The following AMPH variants were observed in gnomAD, a reference collection of about 807,000 sequenced individuals.
AMPH encodes amphiphysin (Stiff-Mann syndrome with breast cancer 128kD autoantigen).
AMPH carries 49 observed loss-of-function variants against 99.1 expected under a neutral mutation model. That is an observed-to-expected ratio of 0.49 (90% confidence interval 0.39 to 0.63). The LOEUF (loss-of-function observed/expected upper bound fraction) is 0.63, where lower values mean the gene tolerates loss of function less well. Among genes scored for constraint, AMPH ranks in the 20% least tolerant of loss-of-function variants. The probability of loss-of-function intolerance (pLI) is 0.00; values close to 1 mark genes in which losing one functional copy is unlikely to be tolerated. For synonymous variants in AMPH, 314 were observed against 317.3 expected, an observed-to-expected ratio of 0.99 and a Z score of 0.11; for missense variants, 759 against 863.4, an observed-to-expected ratio of 0.88 and a Z score of 1.52.
intron 1 of AMPH, among the ~76,000 whole-genome samples, chr7:38,599,141 A>G (rs992854848): frequency 1.3e-5 from 2 of 152,178 alleles, no homozygotes; most frequent in African/African-American, 4.8e-5. Flanking sequence ...ATTATTTTCT[A>G]ATTCTTTGAG....
intron 2 of AMPH, among the ~76,000 whole-genome samples, chr7:38,517,377 A>T (rs1789789188): frequency 2.6e-5 from 4 of 152,168 alleles, no homozygotes; most frequent in Admixed American, 2.6e-4. Context: ...CTGGCTGTTT[A>T]AAAGTATAAA....
intron 1 of AMPH, among the ~76,000 whole-genome samples, chr7:38,571,589 A>C (rs1000108462): frequency 2.1e-5 from 3 of 145,680 alleles, no homozygotes; most frequent in Non-Finnish European, 4.5e-5. Context: ...ACTAGAAAAA[A>C]GCTTATAGAA....
intron 1 of AMPH, among the ~76,000 whole-genome samples, chr7:38,537,903 G>C (rs772154339): frequency 8.5e-5 from 13 of 152,136 alleles, no homozygotes; most frequent in Non-Finnish European, 1.8e-4. Context: ...CACTTGATAT[G>C]ATTTGGTATA....
intron 2 of AMPH, among the ~76,000 whole-genome samples, chr7:38,525,982 G>A (rs1042229555): frequency 1.3e-5 from 2 of 152,030 alleles, no homozygotes; most frequent in Non-Finnish European, 2.9e-5. Context: ...GCAGTTTTTG[G>A]GTTGTATGGT....
chr7:38,483,108 G>T (rs114454086), intron 5 of AMPH, among the ~76,000 whole-genome samples: 2,001 of 152,200 alleles, frequency 0.013, 44 homozygotes, highest in African/African-American at 0.045. Context: ...TCTCAGTGAA[G>T]AGTGAAGAAA....
chr7:38,476,872 C>G lies in AMPH; in HGVS notation c.494G>C (p.Arg165Pro). 1 of 1,613,286 alleles carries G rather than the reference C, an allele frequency of 6.2e-7. No individual in the cohort carries two copies. Among genetic ancestry groups the G allele is most frequent in the Non-Finnish European group, 8.5e-7 (1 of 1,179,466 alleles). ...GGGCTCAATCCCTACCTTAGAGATT[C>G]GACTCTCATCCTTCCTCTTGGAGCT... ...LQSSKRKDES[R>P]ISKAEEEFQK... The change falls in exon 6 of 21, where the codon CGA (arginine) becomes CCA (proline). Residue 165 changes from arginine (R) to proline (P), a missense_variant. Physicochemically the swap from Arg to Pro is moderately radical, Grantham distance 103. Transcript: ENST00000356264.
intron 1 of AMPH, among the ~76,000 whole-genome samples, chr7:38,563,653 T>C (rs763305477): frequency 9.2e-5 from 14 of 152,166 alleles, no homozygotes; most frequent in Non-Finnish European, 1.0e-4. Flanking sequence ...AGAAGAGCAA[T>C]AATACACATT....
chr7:38,434,673 A>G (rs10244280), intron 12 of AMPH, among the ~76,000 whole-genome samples: 38,776 of 151,536 alleles, frequency 0.26, 5,186 homozygotes, highest in East Asian at 0.39. Context: ...AGGGAGGTGA[A>G]GCTTGCAGTG....
intron 1 of AMPH, among the ~76,000 whole-genome samples, chr7:38,587,914 CTGTGTGTGTGTG>C (rs200023803): frequency 4.0e-5 from 5 of 126,084 alleles, no homozygotes; most frequent in Admixed American, 8.1e-5. Context: ...TTATTAATTA[CTGTGTGTGTGTG>C]TGTGTGTGTG....
At chr7:38,616,060 C>A (rs1008427386) in intron 1 of AMPH, among the ~76,000 whole-genome samples, 1 of 152,134 alleles carries the variant, frequency 6.6e-6, no homozygotes, top group African/African-American at 2.4e-5. Flanking sequence ...ATATAGCACA[C>A]CAAAGAACCT....
chr7:38,521,911 A>G (rs1457070614), intron 2 of AMPH, among the ~76,000 whole-genome samples: 1 of 152,192 alleles, frequency 6.6e-6, no homozygotes, highest in Non-Finnish European at 1.5e-5. Context: ...ATGTCACCAG[A>G]CATTGAAAAT....
chr7:38,462,857 C>T, intron 10 of AMPH, 118 bp downstream of exon 10: 1 of 1,141,652 alleles, frequency 8.8e-7, no homozygotes, highest in Non-Finnish European at 1.2e-6. Context: ...AGCCTCACAT[C>T]TCAGTCTCCC....
At chr7:38,480,837 T>C (rs905403095) in intron 5 of AMPH, among the ~76,000 whole-genome samples, 6 of 152,172 alleles carry the variant, frequency 3.9e-5, no homozygotes, top group African/African-American at 7.2e-5. Context: ...CAAACTCTTA[T>C]AAAGCTCTTC....
At chr7:38,399,758 T>C (rs987475343) in intron 17 of AMPH, among the ~76,000 whole-genome samples, 4 of 152,220 alleles carry the variant, frequency 2.6e-5, no homozygotes, top group Admixed American at 2.0e-4. Context: ...AAGCCTTTCA[T>C]ACCCAGTGCT....
intron 15 of AMPH, among the ~76,000 whole-genome samples, chr7:38,425,528 T>C (rs968034455): frequency 6.6e-6 from 1 of 152,172 alleles, no homozygotes; most frequent in Admixed American, 6.5e-5. Context: ...AAACAAAATG[T>C]GAAATTCATG....
chr7:38,591,008 C>A (rs1792835810), intron 1 of AMPH, among the ~76,000 whole-genome samples: 1 of 152,140 alleles, frequency 6.6e-6, no homozygotes, highest in Non-Finnish European at 1.5e-5. Flanking sequence ...CACCTATTTG[C>A]AGTATAGCCT....
At chr7:38,601,921 T>A (rs1793259238) in intron 1 of AMPH, among the ~76,000 whole-genome samples, 1 of 152,164 alleles carries the variant, frequency 6.6e-6, no homozygotes. Context: ...CCCAGAAAAC[T>A]ACCGAAGGCC....
intron 1 of AMPH, among the ~76,000 whole-genome samples, chr7:38,543,203 G>A (rs1311738354): frequency 6.6e-6 from 1 of 152,186 alleles, no homozygotes; most frequent in Admixed American, 6.5e-5. Flanking sequence ...GCTACAGTGA[G>A]CTATGATTGC....
intron 1 of AMPH, among the ~76,000 whole-genome samples, chr7:38,608,967 A>G (rs1793530825): frequency 6.6e-6 from 1 of 152,226 alleles, no homozygotes; most frequent in South Asian, 2.1e-4. Context: ...TGCTTTACGT[A>G]GTCAATGATA....
Sources: gnomAD v4.1 joint callset for allele counts (sites outside exome capture counted in the v4.1 genomes callset) on GRCh38, gnomAD v4.1.1 for gene constraint, MANE v1.5 for transcripts, NCBI Gene and HGNC (gene_info 2026-07-23, HGNC 2026-07-21) for gene names.